IGF2: variants seen among roughly 807,000 people sequenced by gnomAD.
IGF2 encodes insulin-like growth factor 2.
IGF2 carries 2 observed loss-of-function variants against 12.0 expected under a neutral mutation model. The ratio of observed to expected loss-of-function variants is 0.17; its 90% confidence interval spans 0.07 to 0.52. The LOEUF (loss-of-function observed/expected upper bound fraction) is 0.52. Among genes scored for constraint, IGF2 ranks in the 20% least tolerant of loss-of-function variants. The pLI, the probability that IGF2 is intolerant of heterozygous loss-of-function variation, is 0.95. For missense variants in IGF2, 211 were observed against 268.0 expected, an observed-to-expected ratio of 0.79 and a Z score of 1.48; for synonymous variants, 105 against 110.1, an observed-to-expected ratio of 0.95 and a Z score of 0.29.
chr11:2,136,021 C>T (rs1255337579), intron 1 of IGF2, among the ~76,000 whole-genome samples: 1 of 152,160 alleles, frequency 6.6e-6, no homozygotes, highest in Non-Finnish European at 1.5e-5. Flanking sequence ...GTCCCTTCCT[C>T]CCCACAACCC....
rs902697447 is a variant in IGF2, at chr11:2,133,265, C to T, written c.307-42G>A. The T allele has an allele frequency of 1.4e-5, 19 of 1,363,124 alleles. No individual in the cohort carries two copies. Among genetic ancestry groups the T allele is most frequent in the South Asian group, 1.3e-4 (9 of 71,236 alleles). The allele number at this position is 1,363,124 out of a possible 1,614,324, so 84.4% of individuals were successfully genotyped here. On this transcript the variant is annotated intron_variant, in intron 3 of 3. Coordinates refer to ENST00000416167, the MANE Select transcript of IGF2 (RefSeq NM_000612.6). The surrounding 1 kb of genome is among the most constrained non-coding windows in gnomAD (Gnocchi z 8.9). ...CTGGTCAGCAGGTGCCTGCTCTCCA[C>T]GCTCTTCCGCCTGAGCCGCCCGCCT...
Position 2,138,534 on chromosome 11 carries a change from T to C in IGF2, c.-312A>G. The C allele has an allele frequency of 5.3e-6, 3 of 568,412 alleles. No homozygotes were observed. The highest frequency in any genetic ancestry group is 6.1e-6 in the Non-Finnish European group (3 of 489,790). The allele number at this position is 568,412 out of a possible 1,614,324, so 35.2% of individuals were successfully genotyped here. A position where few individuals can be genotyped will look rare whatever the true frequency, so the allele number is the denominator to read the frequency against. The stretch of plus-strand genomic sequence containing the variant: ...TATCAAGGATAGAGGGGGGCAGAGA[T>C]AGTGGGAGAGACAGAGTGAACGTGA... On this transcript the variant is annotated 5_prime_UTR_variant, in exon 1 of 4. Transcript: ENST00000416167.
At chr11:2,145,497 TCTC>T (rs1344254109), upstream of IGF2, among the ~76,000 whole-genome samples, 2 of 152,206 alleles carry the variant, frequency 1.3e-5, no homozygotes, top group Non-Finnish European at 2.9e-5. Context: ...AGTTGTGGGT[TCTC>T]CTCCTCTTTG....
chr11:2,134,338 C>A (rs1858838450), intron 2 of IGF2: 1 of 344,918 alleles, frequency 2.9e-6, no homozygotes, highest in South Asian at 2.1e-5. Flanking sequence ...CAAGTGGGGG[C>A]TTGGCCCTCC....
Position 2,131,427 on chromosome 11 carries a change from CGT to C in IGF2, c.*1558_*1559del, listed in dbSNP as rs1016555143. On this transcript the variant is annotated 3_prime_UTR_variant, in exon 4 of 4. Coordinates refer to ENST00000416167, the MANE Select transcript of IGF2 (RefSeq NM_000612.6). ...TTTCATCCAATTTTGTGGGGGTGTG[CGT>C]GTGTGTGCGCATGTGTGTGTGCAGG... The C allele has an allele frequency of 1.6e-4, 36 of 231,916 alleles. No individual in the cohort carries two copies. Among genetic ancestry groups the C allele is most frequent in the African/African-American group, 6.6e-4 (29 of 44,142 alleles). The allele number at this position is 231,916 out of a possible 1,614,324, so 14.4% of individuals were successfully genotyped here. A position where few individuals can be genotyped will look rare whatever the true frequency, so the allele number is the denominator to read the frequency against.
In IGF2 at chr11:2,135,558, G is replaced by C. The variant is rs374000564; in HGVS notation, c.-6-29C>G. 1.8e-5 allele frequency: 29 copies of C among 1,596,224 alleles called. No individual in the cohort carries two copies. The African/African-American group carries it at 2.1e-4, about 12-fold the overall frequency. On this transcript the variant is annotated intron_variant, in intron 1 of 3. Coordinates refer to ENST00000416167, the MANE Select transcript of IGF2 (RefSeq NM_000612.6). Reference sequence around the variant, plus strand: ...GGGGCGGGAGAGAAGTGGCGTGAGCGGGGCAGCCAGGCCAAGCCCCAGGCC... The same window carrying C: ...GGGGCGGGAGAGAAGTGGCGTGAGCCGGGCAGCCAGGCCAAGCCCCAGGCC...
chr11:2,137,233 AGAG>A (rs1418617314), intron 1 of IGF2: 46 of 995,174 alleles, frequency 4.6e-5, no homozygotes, highest in Middle Eastern at 4.3e-4. Context: ...AGGAGGAGGA[AGAG>A]GAGGAGGAGG....
upstream of IGF2, among the ~76,000 whole-genome samples, chr11:2,139,572 G>GC (rs1859400425): frequency 6.4e-5 from 2 of 31,190 alleles, no homozygotes; most frequent in South Asian, 1.7e-3. Flanking sequence ...GGGCCCTGGG[G>GC]CCCCGGGGGG....
chr11:2,138,690 G>T lies in IGF2; in HGVS notation c.-468C>A. 1.1e-6 allele frequency: 1 copy of T among 946,674 alleles called. No individual in the cohort carries two copies. The highest frequency in any genetic ancestry group is 1.2e-6 in the Non-Finnish European group (1 of 801,846). 58.6% of individuals were successfully genotyped at this position (946,674 alleles called of 1,614,324 possible). A position where few individuals can be genotyped will look rare whatever the true frequency, so the allele number is the denominator to read the frequency against. On this transcript the variant is annotated 5_prime_UTR_variant, in exon 1 of 4. Transcript: ENST00000416167. The stretch of plus-strand genomic sequence containing the variant: ...ATCCACTTTGGTTCGGCGAAGGCGA[G>T]AGGGCGGGCGTGAGGGGGGGAGGGA...
chr11:2,136,781 C>T (rs1859090882), intron 1 of IGF2, among the ~76,000 whole-genome samples: 1 of 152,222 alleles, frequency 6.6e-6, no homozygotes, highest in African/African-American at 2.4e-5. Context: ...CCTCTGCCAC[C>T]CCCTTCCAAA....
chr11:2,132,070 C>A lies in IGF2; in HGVS notation c.*917G>T. ...TGTGTGTGCTGTGCTCGTGTGTGTGCTGTGTTCATGCGTGTGCTGTGTGTT... is the reference window on the plus strand; with the variant it reads ...TGTGTGTGCTGTGCTCGTGTGTGTGATGTGTTCATGCGTGTGCTGTGTGTT... On this transcript the variant is annotated 3_prime_UTR_variant, in exon 4 of 4. Transcript: ENST00000416167. 5.0e-6 allele frequency: 1 copy of A among 200,532 alleles called. No individual in the cohort carries two copies. Among genetic ancestry groups the A allele is most frequent in the Admixed American group, 6.1e-5 (1 of 16,386 alleles). The allele number at this position is 200,532 out of a possible 1,614,324, so 12.4% of individuals were successfully genotyped here.
intron 1 of IGF2, chr11:2,137,119 C>A: frequency 1.7e-6 from 1 of 577,516 alleles, no homozygotes; most frequent in Non-Finnish European, 2.2e-6. Flanking sequence ...GTGGGCCGTG[C>A]CCCCTGCTGC....
chr11:2,143,709 TCCCCGGA>T (rs935947619), upstream of IGF2, among the ~76,000 whole-genome samples: 3 of 152,180 alleles, frequency 2.0e-5, no homozygotes, highest in Non-Finnish European at 4.4e-5. Context: ...TGTTTTGACG[TCCCCGGA>T]AATTAACGTC....
chr11:2,131,270 G>A lies in IGF2; in HGVS notation c.*1717C>T, dbSNP rs572669571. On this transcript the variant is annotated 3_prime_UTR_variant, in exon 4 of 4. Coordinates refer to ENST00000416167, the MANE Select transcript of IGF2 (RefSeq NM_000612.6). ...TGAGCCCCCTCCTCTGAGAGGCAGG[G>A]CACAGACAGGGCCGAGGGGCAGTGG... 2.9e-4 allele frequency: 67 copies of A among 233,362 alleles called. No homozygotes were observed. In the South Asian group the frequency reaches 0.011, roughly 40 times the overall value. The allele number at this position is 233,362 out of a possible 1,614,324, so 14.5% of individuals were successfully genotyped here.
Position 2,138,251 on chromosome 11 carries a change from C to G in IGF2, c.-29G>C. 4.1e-6 allele frequency: 4 copies of G among 985,310 alleles called. No homozygotes were observed. Among genetic ancestry groups the G allele is most frequent in the Non-Finnish European group, 4.8e-6 (4 of 829,794 alleles). 61.0% of individuals were successfully genotyped at this position (985,310 alleles called of 1,614,324 possible). ...TACCTGGAAGCCGGCGACGCTGCCG[C>G]CCACCTCCCTGCTGCGTGTCGCAAA... On this transcript the variant is annotated 5_prime_UTR_variant, in exon 1 of 4. Coordinates refer to ENST00000416167, the MANE Select transcript of IGF2 (RefSeq NM_000612.6).
At position 2,139,032 on chromosome 11, in the gene IGF2, G is replaced by A. The variant is rs1235760131; in HGVS notation, c.-810C>T. 5.8e-5 allele frequency: 52 copies of A among 891,448 alleles called. No homozygotes were observed. The South Asian group carries it at 1.3e-3, about 22-fold the overall frequency. The allele number at this position is 891,448 out of a possible 1,614,324, so 55.2% of individuals were successfully genotyped here. A position where few individuals can be genotyped will look rare whatever the true frequency, so the allele number is the denominator to read the frequency against. On this transcript the variant is annotated 5_prime_UTR_variant, in exon 1 of 4. Coordinates refer to ENST00000416167, the MANE Select transcript of IGF2 (RefSeq NM_000612.6). Reference sequence around the variant, plus strand: ...GCGGAAAGGGGAGCGGCCCGAGGCTGCGCGCCGGGGGGAGGGCTGGAGGGG... The same window carrying A: ...GCGGAAAGGGGAGCGGCCCGAGGCTACGCGCCGGGGGGAGGGCTGGAGGGG...
intron 1 of IGF2, 96 bp downstream of exon 1, chr11:2,138,133 C>T: frequency 1.2e-6 from 1 of 800,294 alleles, no homozygotes; most frequent in Non-Finnish European, 1.5e-6. Flanking sequence ...CCCCGCAGGC[C>T]CCGGGCCGGG....
Position 2,139,044 on chromosome 11 carries a change from G to A in IGF2, c.-822C>T, listed in dbSNP as rs1365536396. 9 of 651,278 alleles carry A rather than the reference G, an allele frequency of 1.4e-5. No homozygotes were observed. Among genetic ancestry groups the A allele is most frequent in the East Asian group, 1.5e-4 (1 of 6,624 alleles). 40.3% of individuals were successfully genotyped at this position (651,278 alleles called of 1,614,324 possible). ...GCGGCCCGAGGCTGCGCGCCGGGGG[G>A]AGGGCTGGAGGGGGAGCGCGGGGGG... On this transcript the variant is annotated 5_prime_UTR_variant, in exon 1 of 4. Transcript: ENST00000416167.
At position 2,130,520 on chromosome 11, in the gene IGF2, CT is replaced by C. The variant is rs1174956384; in HGVS notation, c.*2466del. On this transcript the variant is annotated 3_prime_UTR_variant, in exon 4 of 4. Transcript: ENST00000416167. ...CGTTCTTGCTTTTGTCACTGCCCCC[CT>C]GTTACATGGGGGGGGGGTTTAATTT... 5.4e-4 allele frequency: 111 copies of C among 206,358 alleles called. No homozygotes were observed. Among genetic ancestry groups the C allele is most frequent in the Non-Finnish European group, 8.1e-4 (88 of 108,904 alleles). 12.8% of individuals were successfully genotyped at this position (206,358 alleles called of 1,614,324 possible).
Sources: allele counts gnomAD v4.1 joint callset (sites outside exome capture counted in the v4.1 genomes callset), GRCh38; gene constraint gnomAD v4.1.1; non-coding constraint Gnocchi (gnomAD v3.1); transcripts MANE v1.5; gene names NCBI Gene and HGNC (gene_info 2026-07-23, HGNC 2026-07-21).